CSMD2: variants seen among roughly 807,000 people sequenced by gnomAD.
CSMD2 encodes the protein CUB and sushi domain-containing protein 2.
Under a neutral mutation model 398.5 loss-of-function variants are expected in CSMD2, and 130 were observed. The observed-to-expected ratio is 0.33, with a 90% CI of 0.28 to 0.38. The LOEUF (loss-of-function observed/expected upper bound fraction) is 0.38, where lower values mean the gene tolerates loss of function less well. CSMD2 is among the 10% of genes least tolerant of loss of function. CSMD2 has a pLI of 1.00. For missense variants in CSMD2, 3,829 were observed against 4,764.9 expected (o/e 0.80, Z 5.78); for synonymous variants, 1,828 against 1,908.5 (o/e 0.96, Z 1.10).
chr1:33,864,450 A>C, intron 5 of CSMD2: 2 of 1,613,836 alleles, frequency 1.2e-6, no homozygotes, highest in South Asian at 1.1e-5. Flanking sequence ...GAAACGGAGA[A>C]AGCGGGATCC....
At chr1:33,792,854 A>G (rs1654485629) in intron 10 of CSMD2, among the ~76,000 whole-genome samples, 1 of 152,158 alleles carries the variant, frequency 6.6e-6, no homozygotes, top group Non-Finnish European at 1.5e-5. Context: ...AGAAATCCCC[A>G]TGGGCTTGTT....
At chr1:34,071,244 G>C (rs1258545867) in intron 2 of CSMD2, among the ~76,000 whole-genome samples, 4 of 152,228 alleles carry the variant, frequency 2.6e-5, no homozygotes, top group Non-Finnish European at 4.4e-5. Flanking sequence ...TTGCCAGTCT[G>C]CAAGATGCTA....
chr1:33,836,780 G>C (rs192782273), intron 6 of CSMD2, among the ~76,000 whole-genome samples: 12 of 152,274 alleles, frequency 7.9e-5, no homozygotes, highest in Admixed American at 5.2e-4. Context: ...CCTTGGCTAG[G>C]AAAGCGAATT....
intron 1 of CSMD2, among the ~76,000 whole-genome samples, chr1:34,123,825 A>G (rs1255646444): frequency 2.0e-5 from 3 of 152,092 alleles, no homozygotes; most frequent in Non-Finnish European, 4.4e-5. Context: ...AAACAACAAC[A>G]TGGCTTAAGA....
intron 1 of CSMD2, among the ~76,000 whole-genome samples, chr1:34,092,303 A>G (rs936927775): frequency 6.6e-6 from 1 of 152,242 alleles, no homozygotes; most frequent in African/African-American, 2.4e-5. Flanking sequence ...AAGTTAATTT[A>G]TAAGTTTAAT....
intron 42 of CSMD2, among the ~76,000 whole-genome samples, chr1:33,604,900 T>A (rs1369895766): frequency 1.3e-5 from 2 of 152,110 alleles, no homozygotes; most frequent in Non-Finnish European, 2.9e-5. Context: ...TCTTCTCCCT[T>A]TGGGCAGGTG....
At chr1:34,042,027 G>A (rs188752591) in intron 2 of CSMD2, among the ~76,000 whole-genome samples, 1 of 152,340 alleles carries the variant, frequency 6.6e-6, no homozygotes, top group Admixed American at 6.5e-5. Context: ...TCAGAGACAT[G>A]GCTTTGCTTT....
chr1:33,519,970 A>G lies in CSMD2; in HGVS notation c.10598-20T>C. 4 of 1,613,042 alleles carry G rather than the reference A, an allele frequency of 2.5e-6. No homozygotes were observed. Among genetic ancestry groups the G allele is most frequent in the Non-Finnish European group, 3.4e-6 (4 of 1,179,102 alleles). On this transcript the variant is annotated intron_variant, in intron 68 of 70. Coordinates refer to ENST00000373381, the MANE Select transcript of CSMD2 (RefSeq NM_001281956.2). The surrounding 1 kb of genome is among the most constrained non-coding windows in gnomAD (Gnocchi z 5.6). ...TGAGGTCTGTAAAGTCCCAAAGCAG[A>G]AAAGTCAAGTCACGAGACACAGTCT...
At chr1:34,132,644 C>T (rs1452680829) in intron 1 of CSMD2, among the ~76,000 whole-genome samples, 1 of 152,206 alleles carries the variant, frequency 6.6e-6, no homozygotes, top group Non-Finnish European at 1.5e-5. Context: ...GGGTGGGCCT[C>T]ATCCAATTCA....
At chr1:33,895,810 C>A (rs1642350927) in intron 5 of CSMD2, among the ~76,000 whole-genome samples, 2 of 152,172 alleles carry the variant, frequency 1.3e-5, no homozygotes, top group South Asian at 4.1e-4. Flanking sequence ...TATTAAACAA[C>A]TTTGCAGCCA....
intron 2 of CSMD2, among the ~76,000 whole-genome samples, chr1:34,081,932 C>T (rs963980603): frequency 2.0e-5 from 3 of 151,608 alleles, no homozygotes; most frequent in Non-Finnish European, 2.9e-5. Flanking sequence ...TCTTCCCGGC[C>T]GCCACCCCGT....
chr1:33,932,566 C>T (rs1483058139), intron 4 of CSMD2, among the ~76,000 whole-genome samples: 1 of 152,200 alleles, frequency 6.6e-6, no homozygotes, highest in Non-Finnish European at 1.5e-5. Flanking sequence ...CTCCACCCTG[C>T]TCCTTCCCTC....
chr1:33,557,681 T>C, intron 55 of CSMD2, 53 bp downstream of exon 55: 1 of 1,474,932 alleles, frequency 6.8e-7, no homozygotes, highest in Middle Eastern at 2.2e-4. Context: ...GGAGGACTGT[T>C]CTTTGACACG....
In CSMD2 at chr1:33,752,349, C is replaced by T. The variant is rs368374185; in HGVS notation, c.1847-8743G>A. 7.9e-5 allele frequency among the ~76,000 whole-genome samples: 12 copies of T among 152,272 alleles called. No homozygotes were observed. In the South Asian group the frequency reaches 2.5e-3, roughly 32 times the overall value. On this transcript the variant is annotated intron_variant, in intron 13 of 70. Coordinates refer to ENST00000373381, the MANE Select transcript of CSMD2 (RefSeq NM_001281956.2). ...TTTGTTCTGGTAGTTCACATGAAAT[C>T]TGGTTTCTTAAGAGTGTGGTGCCCC...
intron 10 of CSMD2, among the ~76,000 whole-genome samples, chr1:33,800,494 C>G (rs546923344): frequency 1.3e-5 from 2 of 152,316 alleles, no homozygotes; most frequent in East Asian, 1.9e-4. Context: ...TTCACTGATT[C>G]ATTCAACAGT....
chr1:33,961,094 C>T (rs1212604574), intron 3 of CSMD2, among the ~76,000 whole-genome samples: 1 of 152,264 alleles, frequency 6.6e-6, no homozygotes, highest in Non-Finnish European at 1.5e-5. Context: ...CCTGCCAATC[C>T]CCTACTTGCC....
chr1:33,697,948 C>T (rs1403686809), intron 24 of CSMD2, among the ~76,000 whole-genome samples: 1 of 152,170 alleles, frequency 6.6e-6, no homozygotes, highest in Admixed American at 6.5e-5. Flanking sequence ...ACAAGATTAG[C>T]CAGTGCTGGC....
intron 64 of CSMD2, among the ~76,000 whole-genome samples, chr1:33,528,050 G>C (rs1365519929): frequency 6.6e-6 from 1 of 152,194 alleles, no homozygotes; most frequent in East Asian, 1.9e-4. Context: ...GTGAGTCCTG[G>C]TGGGGGTTGC....
intron 13 of CSMD2, among the ~76,000 whole-genome samples, chr1:33,753,642 G>A (rs1446077595): frequency 6.6e-6 from 1 of 152,230 alleles, no homozygotes; most frequent in Non-Finnish European, 1.5e-5. Flanking sequence ...GTCATGGCAA[G>A]CTTGCATCCT....
Sources: allele counts gnomAD v4.1 joint callset (sites outside exome capture counted in the v4.1 genomes callset), GRCh38; gene constraint gnomAD v4.1.1; non-coding constraint Gnocchi (gnomAD v3.1); transcripts MANE v1.5; gene names NCBI Gene and HGNC (gene_info 2026-07-23, HGNC 2026-07-21).